The following PHIP variants were observed in gnomAD, a reference collection of about 807,000 sequenced individuals.
PHIP encodes PH-interacting protein.
In PHIP, 54 loss-of-function variants were observed where a neutral mutation model predicts 236.8. That is an observed-to-expected ratio of 0.23 (90% CI 0.18 to 0.29). PHIP has a LOEUF of 0.29. PHIP is among the 10% of genes least tolerant of loss of function. PHIP has a pLI of 1.00. For missense variants in PHIP, 1,370 were observed against 2,190.8 expected, an observed-to-expected ratio of 0.63 and a Z score of 7.48; for synonymous variants, 756 against 718.9, an observed-to-expected ratio of 1.05 and a Z score of -0.83.
intron 4 of PHIP, among the ~76,000 whole-genome samples, chr6:79,073,093 G>A (rs908563495): frequency 1.3e-5 from 2 of 152,256 alleles, no homozygotes; most frequent in South Asian, 4.1e-4. Flanking sequence ...GTTTGGGAAA[G>A]GGACATTCCA....
chr6:79,061,495 T>C (rs1773375325), intron 4 of PHIP, among the ~76,000 whole-genome samples: 1 of 152,140 alleles, frequency 6.6e-6, no homozygotes, highest in South Asian at 2.1e-4. Flanking sequence ...CAGAAGCAGA[T>C]AGGAAAATGT....
At chr6:79,023,299 T>C (rs1259380488) in intron 9 of PHIP, among the ~76,000 whole-genome samples, 1 of 152,180 alleles carries the variant, frequency 6.6e-6, no homozygotes, top group African/African-American at 2.4e-5. Flanking sequence ...GATCTTGCTC[T>C]GTTACTTAGG....
intron 9 of PHIP, among the ~76,000 whole-genome samples, chr6:79,024,108 A>G (rs957438542): frequency 5.9e-5 from 9 of 152,340 alleles, no homozygotes; most frequent in African/African-American, 2.2e-4. Flanking sequence ...GTTTTAAATC[A>G]CAATCTTTTT....
At chr6:79,063,039 T>TA (rs1390705241) in intron 4 of PHIP, among the ~76,000 whole-genome samples, 12 of 152,190 alleles carry the variant, frequency 7.9e-5, no homozygotes, top group Non-Finnish European at 1.5e-4. Flanking sequence ...TTTTGATACT[T>TA]AGACTTTTAA....
At chr6:78,952,320 G>C (rs147733732) in intron 35 of PHIP, among the ~76,000 whole-genome samples, 2 of 151,062 alleles carry the variant, frequency 1.3e-5, no homozygotes, top group Non-Finnish European at 2.9e-5. Flanking sequence ...TCGTGAGGCC[G>C]AGGCAGGAGA....
At chr6:79,072,618 G>C (rs1773944408) in intron 4 of PHIP, among the ~76,000 whole-genome samples, 1 of 151,864 alleles carries the variant, frequency 6.6e-6, no homozygotes. Context: ...GGGGTAATTG[G>C]GACTACAGGC....
intron 4 of PHIP, among the ~76,000 whole-genome samples, chr6:79,071,307 C>T (rs752253373): frequency 1.3e-5 from 2 of 152,044 alleles, no homozygotes; most frequent in African/African-American, 2.4e-5. Flanking sequence ...TATCAAATTC[C>T]ATCAAGAAAA....
At chr6:78,977,755 T>C (rs1768212396) in intron 24 of PHIP, among the ~76,000 whole-genome samples, 1 of 152,178 alleles carries the variant, frequency 6.6e-6, no homozygotes, top group Admixed American at 6.5e-5. Context: ...ATCACAACAA[T>C]GTGGTAATGT....
In PHIP at chr6:78,978,708, A is replaced by G; in HGVS notation, c.2773T>C (p.Leu925=). The change falls in exon 24 of 40, where the codon TTG becomes CTG. Residue 925 remains leucine (L), a synonymous_variant. Coordinates refer to ENST00000275034, the MANE Select transcript of PHIP (RefSeq NM_017934.7). ...TTTTCAGTTAGTTCTCCCACAGCCA[A>G]TCTCTGACAAAATTTAAGTAATAAT... ...KKPKERKQKR[L]AVGELTENGL... is the part of the protein sequence containing the mutation. 1 of 1,594,062 alleles carries G rather than the reference A, an allele frequency of 6.3e-7. No homozygotes were observed. The highest frequency in any genetic ancestry group is 1.1e-5 in the South Asian group (1 of 88,076).
At chr6:78,974,624 G>A (rs868332926) in intron 24 of PHIP, among the ~76,000 whole-genome samples, 21 of 152,116 alleles carry the variant, frequency 1.4e-4, no homozygotes, top group East Asian at 5.8e-4. Flanking sequence ...TCGATAGACC[G>A]CCAGCAAGAC....
At chr6:79,012,674 T>C (rs988186368) in intron 15 of PHIP, among the ~76,000 whole-genome samples, 1 of 151,736 alleles carries the variant, frequency 6.6e-6, no homozygotes, top group Non-Finnish European at 1.5e-5. Flanking sequence ...CAAATAGCTA[T>C]AATTATAGCC....
At chr6:78,978,807 A>C in intron 23 of PHIP, 96 bp from the exon 24 acceptor site, 3 of 966,832 alleles carry the variant, frequency 3.1e-6, no homozygotes, top group Non-Finnish European at 4.5e-6. Context: ...AATTAAATAA[A>C]AGGGGAAGGG....
chr6:78,939,445 C>G lies in PHIP; in HGVS notation c.*1248G>C, dbSNP rs1773387592. The G allele has an allele frequency of 6.6e-6, 1 of 151,670 alleles. No homozygotes were observed. The highest frequency in any genetic ancestry group is 6.6e-5 in the Admixed American group (1 of 15,228). 9.4% of individuals were successfully genotyped at this position (151,670 alleles called of 1,614,324 possible). Reference sequence around the variant, plus strand: ...TAAAAAGTGATTTGGCCTATTTTAACCTTTAATAATTGAAAATAACCAATT... The same window carrying G: ...TAAAAAGTGATTTGGCCTATTTTAAGCTTTAATAATTGAAAATAACCAATT... On this transcript the variant is annotated 3_prime_UTR_variant, in exon 40 of 40. Coordinates refer to ENST00000275034, the MANE Select transcript of PHIP (RefSeq NM_017934.7).
chr6:79,009,946 G>GA (rs1770487340), intron 15 of PHIP, among the ~76,000 whole-genome samples: 1 of 151,836 alleles, frequency 6.6e-6, no homozygotes, highest in African/African-American at 2.4e-5. Flanking sequence ...TAAGAAGACC[G>GA]AAAGTACTTC....
At chr6:78,943,462 A>G (rs939555107) in intron 39 of PHIP, among the ~76,000 whole-genome samples, 9 of 152,224 alleles carry the variant, frequency 5.9e-5, no homozygotes, top group Non-Finnish European at 1.2e-4. Context: ...TATACTATTC[A>G]AACTCTAAAT....
intron 19 of PHIP, among the ~76,000 whole-genome samples, chr6:78,996,940 C>T (rs898480012): frequency 7.9e-5 from 12 of 151,500 alleles, no homozygotes; most frequent in African/African-American, 2.9e-4. Flanking sequence ...TAAATCAATA[C>T]TTTTAAAGTC....
In PHIP at chr6:78,977,472, G is replaced by A. The variant is rs536864167; in HGVS notation, c.2889+1120C>T. On this transcript the variant is annotated intron_variant, in intron 24 of 39. Coordinates refer to ENST00000275034, the MANE Select transcript of PHIP (RefSeq NM_017934.7). ...GCACACCAGCATGGCACATGTATAC[G>A]TATGTAACTAACCTGCACAATGTAC... 9.5e-3 allele frequency among the ~76,000 whole-genome samples: 1,446 copies of A among 151,888 alleles called. 34 individuals carry two copies. Among genetic ancestry groups the A allele is most frequent in the African/African-American group, 0.033 (1,374 of 41,380 alleles).
At chr6:78,963,618 A>G (rs1243171071) in intron 29 of PHIP, among the ~76,000 whole-genome samples, 1 of 152,196 alleles carries the variant, frequency 6.6e-6, no homozygotes, top group African/African-American at 2.4e-5. Flanking sequence ...AAACTGAACT[A>G]AAGTGACATT....
chr6:79,077,782 G>C, intron 2 of PHIP, 53 bp from the exon 3 acceptor site: 3 of 933,322 alleles, frequency 3.2e-6, no homozygotes, highest in Non-Finnish European at 3.8e-6. Context: ...CCGCGGCCCC[G>C]CCGCCGCCGC....
Sources: allele counts gnomAD v4.1 joint callset (sites outside exome capture counted in the v4.1 genomes callset), GRCh38; gene constraint gnomAD v4.1.1; transcripts MANE v1.5; gene names NCBI Gene and HGNC (gene_info 2026-07-23, HGNC 2026-07-21).